MYO18B: variants seen among roughly 807,000 people sequenced by gnomAD.
MYO18B encodes unconventional myosin-XVIIIb.
Under a neutral mutation model 273.0 loss-of-function variants are expected in MYO18B, and 204 were observed. The ratio of observed to expected loss-of-function variants is 0.75; its 90% CI spans 0.67 to 0.84. MYO18B has a LOEUF of 0.84. Among genes scored for constraint, MYO18B ranks in the 40% least tolerant of loss-of-function variants. The pLI, the probability that MYO18B is intolerant of heterozygous loss-of-function variation, is 0.00. For missense variants in MYO18B, 3,212 were observed against 3,287.6 expected, an observed-to-expected ratio of 0.98 and a Z score of 0.56; for synonymous variants, 1,330 against 1,305.7, an observed-to-expected ratio of 1.02 and a Z score of -0.40.
chr22:25,868,006 A>G (rs892414311), intron 21 of MYO18B, among the ~76,000 whole-genome samples: 4 of 152,178 alleles, frequency 2.6e-5, no homozygotes, highest in African/African-American at 9.7e-5. Context: ...TCTATGTTTA[A>G]TTATTCGAGG....
rs534115829 is a variant in MYO18B, at chr22:25,906,225, G to A, written c.5149-2097G>A. Among the ~76,000 whole-genome samples, 6 of 152,210 alleles carry A rather than the reference G, an allele frequency of 3.9e-5. No individual in the cohort carries two copies. The South Asian group carries it at 1.0e-3, about 26-fold the overall frequency. On this transcript the variant is annotated intron_variant, in intron 31 of 43. Transcript: ENST00000335473. ...TTTCCAGGGAATTTTATGTTAACTC[G>A]TATAAGTTTGACATAAATGGTATTG... is the stretch of plus-strand genomic sequence containing the variant.
intron 1 of MYO18B, among the ~76,000 whole-genome samples, chr22:25,755,499 C>T (rs2086086802): frequency 6.6e-6 from 1 of 152,238 alleles, no homozygotes; most frequent in Admixed American, 6.5e-5. Flanking sequence ...AGCCACCGCG[C>T]CCAGCCACTT....
chr22:25,929,725 G>T (rs1456045536), intron 34 of MYO18B, among the ~76,000 whole-genome samples: 2 of 152,040 alleles, frequency 1.3e-5, no homozygotes, highest in Non-Finnish European at 2.9e-5. Context: ...CCAAGTCATT[G>T]TACCCTCTAA....
chr22:25,961,606 G>GTA (rs1443620006), intron 39 of MYO18B, among the ~76,000 whole-genome samples: 7 of 152,190 alleles, frequency 4.6e-5, no homozygotes, highest in Non-Finnish European at 8.8e-5. Context: ...CTCTGTGGAT[G>GTA]TATATCCTGT....
chr22:25,916,672 A>G (rs1262976737), intron 33 of MYO18B, among the ~76,000 whole-genome samples: 2 of 152,228 alleles, frequency 1.3e-5, no homozygotes, highest in African/African-American at 2.4e-5. Context: ...GGTAGAATGC[A>G]TAACATCTTT....
At chr22:25,826,307 G>T (rs1343363112) in intron 13 of MYO18B, 102 bp from the exon 14 acceptor site, 7 of 807,058 alleles carry the variant, frequency 8.7e-6, no homozygotes, top group African/African-American at 1.7e-5. Flanking sequence ...GGCAAGAAAA[G>T]AAGGATTTTC....
intron 12 of MYO18B, among the ~76,000 whole-genome samples, chr22:25,800,167 A>G (rs1454658044): frequency 6.6e-6 from 1 of 151,960 alleles, no homozygotes; most frequent in African/African-American, 2.4e-5. Context: ...GATATAATAG[A>G]CTTTGGGGAC....
chr22:25,792,119 A>G (rs902986221), intron 11 of MYO18B, among the ~76,000 whole-genome samples: 2 of 152,192 alleles, frequency 1.3e-5, no homozygotes, highest in Middle Eastern at 3.2e-3. Context: ...TGGGTAAAGC[A>G]ACACCCTTGG....
chr22:25,909,376 T>G (rs2146377801), intron 32 of MYO18B, among the ~76,000 whole-genome samples: 1 of 152,298 alleles, frequency 6.6e-6, no homozygotes, highest in South Asian at 2.1e-4. Flanking sequence ...TCAAGATGGG[T>G]TTTAGCTTTT....
At chr22:25,873,590 G>A (rs1395719032) in intron 22 of MYO18B, among the ~76,000 whole-genome samples, 1 of 152,070 alleles carries the variant, frequency 6.6e-6, no homozygotes, top group East Asian at 1.9e-4. Context: ...ACAGGCATTC[G>A]CCACCACGCT....
chr22:25,819,446 C>T (rs1305685614), intron 12 of MYO18B, among the ~76,000 whole-genome samples: 3 of 152,234 alleles, frequency 2.0e-5, no homozygotes, highest in Admixed American at 6.5e-5. Flanking sequence ...CTATTTAGTT[C>T]ACTCTCAATC....
chr22:26,029,410 A>T (rs1936536090), intron 43 of MYO18B, among the ~76,000 whole-genome samples: 1 of 152,150 alleles, frequency 6.6e-6, no homozygotes, highest in Non-Finnish European at 1.5e-5. Context: ...GAGCAAACTA[A>T]TTTGACTTAA....
At chr22:26,029,150 A>T (rs186568169) in intron 43 of MYO18B, among the ~76,000 whole-genome samples, 2 of 152,178 alleles carry the variant, frequency 1.3e-5, no homozygotes, top group African/African-American at 4.8e-5. Context: ...AGGCATCTTC[A>T]TGAGTGAAAT....
At chr22:25,933,990 T>C (rs1310466182) in intron 34 of MYO18B, among the ~76,000 whole-genome samples, 1 of 152,244 alleles carries the variant, frequency 6.6e-6, no homozygotes, top group Non-Finnish European at 1.5e-5. Context: ...CTGTCATGGC[T>C]GGCAGTTGGT....
chr22:25,851,054 G>A (rs2090412579), intron 20 of MYO18B, among the ~76,000 whole-genome samples: 1 of 152,166 alleles, frequency 6.6e-6, no homozygotes. Context: ...GGTAATATGT[G>A]TTAGACAAAA....
In MYO18B at chr22:25,871,978, ATT is replaced by A. The variant is rs3216853; in HGVS notation, c.3952-2299_3952-2298del. On this transcript the variant is annotated intron_variant, in intron 22 of 43. Transcript: ENST00000335473. ...GGTGCTGTCATAACTTTGATCATTG[ATT>A]TTTTTTTTATAGCAGCTTTTGGGAC... Among the ~76,000 whole-genome samples the A allele has an allele frequency of 5.3e-5, 8 of 151,054 alleles. No individual in the cohort carries two copies. In the East Asian group the frequency reaches 9.7e-4, roughly 18 times the overall value.
intron 21 of MYO18B, among the ~76,000 whole-genome samples, chr22:25,855,285 C>CT (rs150338635): frequency 0.33 from 43,182 of 131,948 alleles, 8,422 homozygotes; most frequent in Admixed American, 0.44. Context: ...TTATCTCATT[C>CT]TTTTTTTTTT....
At position 25,849,408 on chromosome 22, in the gene MYO18B, A is replaced by G. The variant is rs143856258; in HGVS notation, c.3775+1756A>G. Among the ~76,000 whole-genome samples, 1,073 of 152,206 alleles carry G rather than the reference A, an allele frequency of 7.0e-3. 18 individuals carry two copies. The highest frequency in any genetic ancestry group is 0.025 in the African/African-American group (1,023 of 41,534). On this transcript the variant is annotated intron_variant, in intron 20 of 43. Coordinates refer to ENST00000335473, the MANE Select transcript of MYO18B (RefSeq NM_032608.7). ...TCATGTTTGTCTCTTTCACACTCAC[A>G]TGAGATAGATTTGTATGCATACACA...
chr22:26,024,664 G>A (rs1936104853), intron 42 of MYO18B, among the ~76,000 whole-genome samples: 1 of 152,186 alleles, frequency 6.6e-6, no homozygotes, highest in Non-Finnish European at 1.5e-5. Flanking sequence ...TCCTCATGAA[G>A]CCCTTTAGCC....
Sources: gnomAD v4.1 joint callset for allele counts (sites outside exome capture counted in the v4.1 genomes callset) on GRCh38, gnomAD v4.1.1 for gene constraint, MANE v1.5 for transcripts, NCBI Gene and HGNC (gene_info 2026-07-23, HGNC 2026-07-21) for gene names.